Variants in GPD2 observed in about 807,000 individuals in gnomAD.
GPD2 encodes glycerol-3-phosphate dehydrogenase, mitochondrial.
In GPD2, 54 loss-of-function variants were observed where a neutral mutation model predicts 82.4. The ratio of observed to expected loss-of-function variants is 0.66; its 90% CI spans 0.53 to 0.82. The LOEUF (loss-of-function observed/expected upper bound fraction) is 0.82, where lower values mean the gene tolerates loss of function less well. GPD2 is among the 40% of genes least tolerant of loss of function. The pLI is 0.00. For missense variants in GPD2, 748 were observed against 896.2 expected (o/e 0.83, Z 2.11); for synonymous variants, 288 against 306.1 (o/e 0.94, Z 0.62).
intron 13 of GPD2, among the ~76,000 whole-genome samples, chr2:156,578,669 A>G (rs890316299): frequency 6.6e-6 from 1 of 152,180 alleles, no homozygotes; most frequent in African/African-American, 2.4e-5. Flanking sequence ...GACATGAGGA[A>G]AGTTTTAGGG....
the GPD2 span, among the ~76,000 whole-genome samples, chr2:156,423,919 G>A: frequency 6.6e-6 from 1 of 152,170 alleles, no homozygotes; most frequent in African/African-American, 2.4e-5. Context: ...TCTCCCCAGT[G>A]GAGTAAAAGC....
At position 156,496,054 on chromosome 2, in the gene GPD2, C is replaced by T. The variant is rs952411607; in HGVS notation, c.113C>T (p.Ala38Val). 5.0e-6 allele frequency: 8 copies of T among 1,611,828 alleles called. No individual in the cohort carries two copies. The highest frequency in any genetic ancestry group is 6.8e-6 in the Non-Finnish European group (8 of 1,178,404). The change falls in exon 3 of 17, where the codon GCC becomes GTC. Residue 38 changes from alanine to valine, a missense_variant. Ala to Val is a moderately conservative substitution (Grantham distance 64, BLOSUM62 0). Around this residue, in one of 3 missense-constraint regions of GPD2, gnomAD observed 692 missense variants for 809.7 expected, o/e 0.85. Coordinates refer to ENST00000438166, the MANE Select transcript of GPD2 (RefSeq NM_000408.5). ...CTGCTTTTACATCAGATGAACCTGG[C>T]CTATGTTAAAGCAGCAGACTGCATT... is the stretch of plus-strand genomic sequence containing the variant. ...AHYRRKQMNL[A>V]YVKAADCISE...
chr2:156,583,139 TC>T lies in GPD2; in HGVS notation c.*222del, dbSNP rs1383136288. 3.9e-5 allele frequency: 21 copies of T among 534,674 alleles called. No homozygotes were observed. Among genetic ancestry groups the T allele is most frequent in the Middle Eastern group, 5.0e-4 (1 of 2,004 alleles). The allele number at this position is 534,674 out of a possible 1,614,324, so 33.1% of individuals were successfully genotyped here. On this transcript the variant is annotated 3_prime_UTR_variant, in exon 17 of 17. Coordinates refer to ENST00000438166, the MANE Select transcript of GPD2 (RefSeq NM_000408.5). ...AGTCTAGCTTTTAAGTATATTTTTT[TC>T]TTTTTCTCATTTTCAATGCACATTA... is the stretch of plus-strand genomic sequence containing the variant.
chr2:156,530,604 C>T (rs985500962), intron 6 of GPD2, among the ~76,000 whole-genome samples: 4 of 151,564 alleles, frequency 2.6e-5, no homozygotes, highest in Non-Finnish European at 4.4e-5. Context: ...AAATACGTTC[C>T]ATCAATACCT....
At chr2:156,457,541 T>C (rs1429139531) in intron 1 of GPD2, among the ~76,000 whole-genome samples, 1 of 152,194 alleles carries the variant, frequency 6.6e-6, no homozygotes, top group African/African-American at 2.4e-5. Context: ...TCCATTCTAT[T>C]TGAGTGAATG....
chr2:156,433,132 T>G (rs1236031994), upstream of GPD2, among the ~76,000 whole-genome samples: 1 of 152,202 alleles, frequency 6.6e-6, no homozygotes, highest in Non-Finnish European at 1.5e-5. Context: ...GCTGTCCTTG[T>G]TCATTCCTGG....
At chr2:156,561,249 T>C (rs1687164345) in intron 9 of GPD2, among the ~76,000 whole-genome samples, 1 of 151,864 alleles carries the variant, frequency 6.6e-6, no homozygotes, top group South Asian at 2.1e-4. Context: ...TGTTTCACCA[T>C]GTTGGTCAGG....
In GPD2 at chr2:156,574,682, A is replaced by T. The variant is rs74890220; in HGVS notation, c.1767+3390A>T. Among the ~76,000 whole-genome samples the T allele has an allele frequency of 3.9e-5, 6 of 152,328 alleles. No individual in the cohort carries two copies. The East Asian group carries it at 9.6e-4, about 24-fold the overall frequency. ...GGCTGATTAAAGCAAGCTGATAAAT[A>T]CCAAATGTAAAACAGATAGAAGCCA... On this transcript the variant is annotated intron_variant, in intron 13 of 16. Transcript: ENST00000438166.
At chr2:156,474,976 T>G (rs930279510) in intron 1 of GPD2, among the ~76,000 whole-genome samples, 13 of 150,116 alleles carry the variant, frequency 8.7e-5, no homozygotes, top group African/African-American at 3.2e-4. Flanking sequence ...GAAAAAAAAA[T>G]AGCCATGCAT....
intron 9 of GPD2, among the ~76,000 whole-genome samples, chr2:156,560,795 AAG>A (rs2105350524): frequency 6.6e-6 from 1 of 152,276 alleles, no homozygotes; most frequent in African/African-American, 2.4e-5. Flanking sequence ...TGAAATGTGA[AAG>A]AGAAGCTCAG....
intron 1 of GPD2, among the ~76,000 whole-genome samples, chr2:156,475,043 G>T (rs1439930214): frequency 6.6e-6 from 1 of 152,064 alleles, no homozygotes; most frequent in Non-Finnish European, 1.5e-5. Context: ...CCAGGAGTTT[G>T]ATTTTATAGT....
chr2:156,480,617 G>C lies in GPD2; in HGVS notation c.102+4410G>C, dbSNP rs552961031. The stretch of plus-strand genomic sequence containing the variant: ...CTAGGTTTGTTCCTTCCATGACCTG[G>C]TCTGAAGGTGTGGTGGCTTTGGGCT... On this transcript the variant is annotated intron_variant, in intron 2 of 16. Transcript: ENST00000438166. 8.2e-5 allele frequency among the ~76,000 whole-genome samples: 5 copies of C among 61,010 alleles called. No individual in the cohort carries two copies. In the East Asian group the frequency reaches 3.3e-3, roughly 40 times the overall value. 40.0% of individuals were successfully genotyped at this position (61,010 alleles called of 152,430 possible). A position where few individuals can be genotyped will look rare whatever the true frequency, so the allele number is the denominator to read the frequency against.
At chr2:156,523,024 C>T (rs1185392332) in intron 6 of GPD2, among the ~76,000 whole-genome samples, 1 of 151,896 alleles carries the variant, frequency 6.6e-6, no homozygotes, top group Non-Finnish European at 1.5e-5. Flanking sequence ...CATGTTTAGA[C>T]TCTCCCACTA....
At chr2:156,551,068 A>T (rs983628063) in intron 8 of GPD2, among the ~76,000 whole-genome samples, 40 of 152,208 alleles carry the variant, frequency 2.6e-4, no homozygotes, top group Non-Finnish European at 4.7e-4. Context: ...ATTTTGCAAA[A>T]TTTTTTATAA....
Position 156,579,779 on chromosome 2 carries a change from A to AT in GPD2, c.2054dup (p.Leu685PhefsTer39). Reference sequence around the variant, plus strand: ...AAAATGGACAGGTTGAACTCAATGAATTTTTGCAGGTGAGTTGTGGTGAAA... The same window carrying AT: ...AAAATGGACAGGTTGAACTCAATGAATTTTTTGCAGGTGAGTTGTGGTGAAA... On this transcript the variant is annotated frameshift_variant, in exon 16 of 17. Transcript: ENST00000438166. LOFTEE classifies it high-confidence loss of function. 2 of 1,494,954 alleles carry AT rather than the reference A, an allele frequency of 1.3e-6. No homozygotes were observed. Among genetic ancestry groups the AT allele is most frequent in the Non-Finnish European group, 1.9e-6 (2 of 1,071,174 alleles). 92.6% of individuals were successfully genotyped at this position (1,494,954 alleles called of 1,614,324 possible). A position where few individuals can be genotyped will look rare whatever the true frequency, so the allele number is the denominator to read the frequency against.
At chr2:156,561,097 G>T (rs767317713) in intron 9 of GPD2, among the ~76,000 whole-genome samples, 2 of 96,678 alleles carry the variant, frequency 2.1e-5, no homozygotes, top group Non-Finnish European at 4.0e-5. Flanking sequence ...GCTCAGGCTG[G>T]TATGCAGTGG....
At chr2:156,467,096 A>C (rs298257) in intron 1 of GPD2, among the ~76,000 whole-genome samples, 138,565 of 152,126 alleles carry the variant, frequency 0.91, 64,192 homozygotes, top group South Asian at 1. Context: ...TCTTTGTTTC[A>C]TGATTTTTTT....
intron 1 of GPD2, among the ~76,000 whole-genome samples, chr2:156,438,868 G>A (rs1682043833): frequency 2.6e-5 from 4 of 152,200 alleles, no homozygotes; most frequent in Admixed American, 2.6e-4. Flanking sequence ...GAAAACAATT[G>A]GAGACCAACA....
chr2:156,407,924 T>C, the GPD2 span, among the ~76,000 whole-genome samples: 11 of 150,362 alleles, frequency 7.3e-5, no homozygotes, highest in East Asian at 2.2e-3. Flanking sequence ...TATTTAATCC[T>C]CTGCTGTCTC....
Sources: gnomAD v4.1 joint callset for allele counts (sites outside exome capture counted in the v4.1 genomes callset) on GRCh38, gnomAD v4.1.1 for gene constraint, gnomAD v4.1.1 regional missense constraint, MANE v1.5 for transcripts, NCBI Gene and HGNC (gene_info 2026-07-23, HGNC 2026-07-21) for gene names.